MATR3: variants seen among roughly 807,000 people sequenced by gnomAD.
MATR3 encodes the protein matrin-3.
A neutral mutation model predicts 85.5 loss-of-function variants in MATR3; 4 were observed. The observed-to-expected ratio is 0.05, with a 90% CI of 0.02 to 0.11. The LOEUF (loss-of-function observed/expected upper bound fraction) is 0.11. Among genes scored for constraint, MATR3 ranks in the 10% least tolerant of loss-of-function variants. The pLI, the probability that MATR3 is intolerant of heterozygous loss-of-function variation, is 1.00. For synonymous variants in MATR3, 336 were observed against 343.1 expected, an observed-to-expected ratio of 0.98 and a Z score of 0.23; for missense variants, 685 against 1,016.1, an observed-to-expected ratio of 0.67 and a Z score of 4.43.
Position 139,315,781 on chromosome 5 carries a change from T to A in MATR3, c.1016+43T>A, listed in dbSNP as rs139029243. 342 of 1,451,040 alleles carry A rather than the reference T, an allele frequency of 2.4e-4. 3 individuals carry two copies. In the African/African-American group the frequency reaches 4.3e-3, roughly 18 times the overall value. The allele number at this position is 1,451,040 out of a possible 1,614,324, so 89.9% of individuals were successfully genotyped here. A position where few individuals can be genotyped will look rare whatever the true frequency, so the allele number is the denominator to read the frequency against. On this transcript the variant is annotated intron_variant, in intron 4 of 14. Transcript: ENST00000394805. ...AGCTACCATTTGTAAAGGAGATCAA[T>A]GTAAGGAATTCAGGTTTCACTTTCA...
At chr5:139,318,149 TG>T (rs1755348646) in intron 7 of MATR3, among the ~76,000 whole-genome samples, 1 of 152,232 alleles carries the variant, frequency 6.6e-6, no homozygotes, top group Non-Finnish European at 1.5e-5. Context: ...TTCTTTGTTT[TG>T]GGAGTCGGAG....
Position 139,329,951 on chromosome 5 carries a change from G to T in MATR3, c.*556G>T, listed in dbSNP as rs1264021549. ...CTGTTAATGTCATGCTGTTGTTTAG[G>T]TAATAAGAAATATTAAGTAATTGGC... is the stretch of plus-strand genomic sequence containing the variant. On this transcript the variant is annotated 3_prime_UTR_variant, in exon 15 of 15. Coordinates refer to ENST00000394805, the MANE Select transcript of MATR3 (RefSeq NM_018834.6). 2.2e-6 allele frequency: 1 copy of T among 454,236 alleles called. No individual in the cohort carries two copies. Among genetic ancestry groups the T allele is most frequent in the Admixed American group, 2.4e-5 (1 of 42,534 alleles). 28.1% of individuals were successfully genotyped at this position (454,236 alleles called of 1,614,324 possible).
intron 3 of MATR3, among the ~76,000 whole-genome samples, chr5:139,280,944 C>G (rs1484970709): frequency 6.6e-6 from 1 of 152,006 alleles, no homozygotes; most frequent in Non-Finnish European, 1.5e-5. Flanking sequence ...TACTCACCTA[C>G]TTATCCCTGT....
intron 7 of MATR3, 116 bp downstream of exon 7, chr5:139,317,837 A>C (rs905459718): frequency 9.7e-7 from 1 of 1,028,754 alleles, no homozygotes; most frequent in Admixed American, 2.2e-5. Flanking sequence ...AAGTTTATCA[A>C]ATGCAGAATG....
intron 2 of MATR3, among the ~76,000 whole-genome samples, chr5:139,277,900 T>G (rs1753352225): frequency 6.6e-6 from 1 of 152,066 alleles, no homozygotes; most frequent in Non-Finnish European, 1.5e-5. Flanking sequence ...ACTTATATTT[T>G]GTTGTGGTGA....
chr5:139,315,873 T>C (rs1364856734), intron 4 of MATR3, 135 bp downstream of exon 4: 7 of 844,426 alleles, frequency 8.3e-6, no homozygotes, highest in African/African-American at 5.2e-5. Flanking sequence ...AAATTCACTT[T>C]GGTTAACAAT....
chr5:139,318,292 C>T (rs1010472754), intron 7 of MATR3, among the ~76,000 whole-genome samples: 2 of 152,146 alleles, frequency 1.3e-5, no homozygotes, highest in Non-Finnish European at 2.9e-5. Context: ...CACTATCATG[C>T]TCAGCTGATT....
chr5:139,289,476 A>G (rs1319391019), upstream of MATR3, among the ~76,000 whole-genome samples: 2 of 152,232 alleles, frequency 1.3e-5, no homozygotes, highest in East Asian at 3.8e-4. Context: ...ATAAATATAT[A>G]AATTTCCTTC....
upstream of MATR3, among the ~76,000 whole-genome samples, chr5:139,292,315 G>C (rs1753902537): frequency 6.6e-6 from 1 of 152,114 alleles, no homozygotes; most frequent in South Asian, 2.1e-4. Flanking sequence ...GTATCCCACA[G>C]TAGCCGCCTC....
At chr5:139,324,834 T>A (rs1755762724) in intron 12 of MATR3, among the ~76,000 whole-genome samples, 1 of 152,160 alleles carries the variant, frequency 6.6e-6, no homozygotes, top group Non-Finnish European at 1.5e-5. Context: ...GCTAAATTAT[T>A]TTTCAAATTA....
chr5:139,295,995 T>G (rs917807218), intron 1 of MATR3, among the ~76,000 whole-genome samples: 5 of 152,108 alleles, frequency 3.3e-5, no homozygotes, highest in African/African-American at 1.2e-4. Context: ...AGCTAATTTT[T>G]TGATCGTCTG....
In MATR3 at chr5:139,307,365, T is replaced by TA. The variant is rs200290629; in HGVS notation, c.-44dup. The TA allele has an allele frequency of 1.4e-4, 216 of 1,550,964 alleles. No homozygotes were observed. The highest frequency in any genetic ancestry group is 3.4e-4 in the South Asian group (27 of 80,596). On this transcript the variant is annotated 5_prime_UTR_variant, in exon 2 of 15. Coordinates refer to ENST00000394805, the MANE Select transcript of MATR3 (RefSeq NM_018834.6). This position sits in a 1 kb window ranked among gnomAD's most constrained non-coding sequence, Gnocchi z 4.4. Reference sequence around the variant, plus strand: ...TTTGAGCTTTCTTTTTGGCCGTCTTTAAAAAAATTTTTTTTTTTAATCTAT... The same window carrying TA: ...TTTGAGCTTTCTTTTTGGCCGTCTTTAAAAAAAATTTTTTTTTTTAATCTAT...
At chr5:139,303,712 C>T (rs1754570366) in intron 1 of MATR3, among the ~76,000 whole-genome samples, 1 of 151,786 alleles carries the variant, frequency 6.6e-6, no homozygotes, top group African/African-American at 2.4e-5. Context: ...GATGCCATTC[C>T]ACTCCAGCCT....
intron 1 of MATR3, among the ~76,000 whole-genome samples, chr5:139,304,790 T>G (rs1754625648): frequency 6.6e-6 from 1 of 152,200 alleles, no homozygotes; most frequent in Non-Finnish European, 1.5e-5. Context: ...AACAATACAG[T>G]AAAAGGAGCT....
intron 1 of MATR3, among the ~76,000 whole-genome samples, chr5:139,296,941 G>GGGC (rs1433710949): frequency 6.6e-6 from 1 of 152,154 alleles, no homozygotes; most frequent in Non-Finnish European, 1.5e-5. Flanking sequence ...AGGCCAAGGC[G>GGGC]GGCGGATCAT....
rs569836800 is a variant in MATR3 at position 139,321,084 on chromosome 5, A to T, written c.1603-814A>T. 2.0e-5 allele frequency among the ~76,000 whole-genome samples: 3 copies of T among 151,780 alleles called. No individual in the cohort carries two copies. In the East Asian group the frequency reaches 5.9e-4, roughly 30 times the overall value. ...TATTACTTTTTTGCAGAGTGTATAT[A>T]GATGGCTTAGTATTTGGCACTAAAG... On this transcript the variant is annotated intron_variant, in intron 9 of 14. Transcript: ENST00000394805.
rs762077026 is a variant in MATR3 at position 139,322,955 on chromosome 5, A to G, written c.2136A>G (p.Lys712=). 4.3e-6 allele frequency: 7 copies of G among 1,614,184 alleles called. No homozygotes were observed. In the East Asian group the frequency reaches 1.6e-4, roughly 36 times the overall value. The part of the protein sequence containing the change: ...KDGSASAAAK[K]KLKKVDKIEE... ...GAAGTGCTTCAGCAGCAGCAAAGAA[A>G]AAGCTTAAAAAGGTAAAGAAAGATA... The change falls in exon 12 of 15, where the codon AAA becomes AAG. Residue 712 remains lysine (K), a synonymous_variant. Coordinates refer to ENST00000394805, the MANE Select transcript of MATR3 (RefSeq NM_018834.6).
chr5:139,278,713 T>A (rs915515234), intron 2 of MATR3: 11 of 470,404 alleles, frequency 2.3e-5, no homozygotes, highest in Non-Finnish European at 4.3e-5. Flanking sequence ...AATATTCAAC[T>A]GATACGTCTT....
intron 12 of MATR3, among the ~76,000 whole-genome samples, chr5:139,324,294 T>TG (rs1186816365): frequency 6.9e-6 from 1 of 145,258 alleles, no homozygotes; most frequent in Non-Finnish European, 1.5e-5. Flanking sequence ...ATGATTGTTT[T>TG]TTTTTTTTTT....
Sources: gnomAD v4.1 joint callset for allele counts (sites outside exome capture counted in the v4.1 genomes callset) on GRCh38, gnomAD v4.1.1 for gene constraint, Gnocchi (gnomAD v3.1) non-coding constraint, MANE v1.5 for transcripts, NCBI Gene and HGNC (gene_info 2026-07-23, HGNC 2026-07-21) for gene names.